Variants in SDCCAG8 observed in about 807,000 individuals in gnomAD.
SDCCAG8 encodes serologically defined colon cancer antigen 8.
A neutral mutation model predicts 101.8 loss-of-function variants in SDCCAG8; 74 were observed. The ratio of observed to expected loss-of-function variants is 0.73; its 90% CI spans 0.60 to 0.88. The LOEUF (loss-of-function observed/expected upper bound fraction) is 0.88, where lower values mean the gene tolerates loss of function less well. SDCCAG8 is among the 40% of genes least tolerant of loss of function. The pLI, the probability that SDCCAG8 is intolerant of heterozygous loss-of-function variation, is 0.00. For missense variants in SDCCAG8, 787 were observed against 822.6 expected (o/e 0.96, Z 0.53); for synonymous variants, 281 against 292.9 (o/e 0.96, Z 0.41).
At chr1:243,388,012 G>C (rs751778722) in intron 13 of SDCCAG8, among the ~76,000 whole-genome samples, 1 of 152,070 alleles carries the variant, frequency 6.6e-6, no homozygotes, top group African/African-American at 2.4e-5. Context: ...CACTGTGCCC[G>C]GCCTCTAGTA....
chr1:243,294,036 T>C (rs2070541663), intron 6 of SDCCAG8, among the ~76,000 whole-genome samples: 1 of 152,198 alleles, frequency 6.6e-6, no homozygotes, highest in Non-Finnish European at 1.5e-5. Flanking sequence ...TAGTTCTTTG[T>C]CCATGTTTGT....
At chr1:243,494,013 A>G (rs556139423) in intron 17 of SDCCAG8, among the ~76,000 whole-genome samples, 5 of 152,224 alleles carry the variant, frequency 3.3e-5, no homozygotes, top group African/African-American at 1.2e-4. Context: ...CACCTAATTT[A>G]CTGTGGTCCT....
intron 8 of SDCCAG8, among the ~76,000 whole-genome samples, chr1:243,310,386 G>A (rs977358752): frequency 6.6e-6 from 1 of 152,004 alleles, no homozygotes; most frequent in African/African-American, 2.4e-5. Context: ...GCGTTCATGA[G>A]GTACATATTA....
chr1:243,415,752 A>C lies in SDCCAG8; in HGVS notation c.1667A>C (p.Gln556Pro), dbSNP rs761699906. Residue 556 changes from glutamine to proline, a missense_variant, in exon 14 of 18, where the codon CAA becomes CCA. By Grantham distance (76) the Gln-to-Pro change is moderately conservative. Transcript: ENST00000366541. ...AGCTTTAGCAAGGAAGCAAAGGCCCAAGCCCTTCAGGCCCAGCAAAGAGAG... is the reference window on the plus strand; with the variant it reads ...AGCTTTAGCAAGGAAGCAAAGGCCCCAGCCCTTCAGGCCCAGCAAAGAGAG... ...QQSFSKEAKA[Q>P]ALQAQQREQE... 5 of 1,613,744 alleles carry C rather than the reference A, an allele frequency of 3.1e-6. No individual in the cohort carries two copies. The Admixed American group carries it at 8.3e-5, about 27-fold the overall frequency.
chr1:243,267,772 C>A, intron 1 of SDCCAG8: 2 of 807,620 alleles, frequency 2.5e-6, no homozygotes, highest in Non-Finnish European at 4.5e-6. Flanking sequence ...CCACTCAATA[C>A]TTCTGCCCCA....
chr1:243,348,325 C>T (rs2075864150), intron 12 of SDCCAG8, among the ~76,000 whole-genome samples: 2 of 151,344 alleles, frequency 1.3e-5, no homozygotes, highest in South Asian at 2.1e-4. Context: ...GCTGGGATTA[C>T]AGGCATGAGC....
intron 16 of SDCCAG8, among the ~76,000 whole-genome samples, chr1:243,480,967 T>G (rs1334692557): frequency 1.3e-5 from 2 of 151,554 alleles, no homozygotes; most frequent in Non-Finnish European, 1.5e-5. Flanking sequence ...GAGACTGAGC[T>G]GTGGGGATGG....
intron 13 of SDCCAG8, among the ~76,000 whole-genome samples, chr1:243,382,920 G>A (rs1015520683): frequency 6.6e-6 from 1 of 152,186 alleles, no homozygotes; most frequent in African/African-American, 2.4e-5. Context: ...GATCTGTTAA[G>A]CCAACTGAGG....
At chr1:243,398,051 C>A (rs141558580) in intron 13 of SDCCAG8, among the ~76,000 whole-genome samples, 1 of 152,042 alleles carries the variant, frequency 6.6e-6, no homozygotes, top group African/African-American at 2.4e-5. Context: ...AAGCTATCAC[C>A]GGGAAAAATG....
At position 243,314,633 on chromosome 1, in the gene SDCCAG8, T is replaced by G. The variant is rs2073071994; in HGVS notation, c.930-2122T>G. Reference sequence around the variant, plus strand: ...AGATAAAGTCTATTAAACGTAAGTTTCCCATAAGCAGCAAGTTTGTTAGAT... The same window carrying G: ...AGATAAAGTCTATTAAACGTAAGTTGCCCATAAGCAGCAAGTTTGTTAGAT... On this transcript the variant is annotated intron_variant, in intron 8 of 17. Transcript: ENST00000366541. 2.6e-5 allele frequency among the ~76,000 whole-genome samples: 4 copies of G among 152,228 alleles called. No individual in the cohort carries two copies. The South Asian group carries it at 8.3e-4, about 31-fold the overall frequency.
intron 12 of SDCCAG8, among the ~76,000 whole-genome samples, chr1:243,366,481 T>C (rs927261512): frequency 5.9e-5 from 9 of 152,110 alleles, no homozygotes; most frequent in African/African-American, 1.9e-4. Flanking sequence ...AACTTTAATG[T>C]TTAGACATAA....
At chr1:243,461,982 C>T (rs899404139) in intron 16 of SDCCAG8, among the ~76,000 whole-genome samples, 2 of 152,154 alleles carry the variant, frequency 1.3e-5, no homozygotes, top group Admixed American at 1.3e-4. Flanking sequence ...GATCAGAGCT[C>T]ATAAGAGGTA....
chr1:243,476,207 A>C (rs1489274878), intron 16 of SDCCAG8: 1 of 985,338 alleles, frequency 1.0e-6, no homozygotes. Flanking sequence ...CAACCAGCAG[A>C]TGGGGTTCTT....
At chr1:243,494,492 A>G (rs1236098903) in intron 17 of SDCCAG8, among the ~76,000 whole-genome samples, 1 of 152,226 alleles carries the variant, frequency 6.6e-6, no homozygotes, top group African/African-American at 2.4e-5. Flanking sequence ...TGTCTAACAT[A>G]AGCATCTCGC....
At chr1:243,319,068 G>A (rs1183454811) in intron 9 of SDCCAG8, among the ~76,000 whole-genome samples, 1 of 152,134 alleles carries the variant, frequency 6.6e-6, no homozygotes, top group African/African-American at 2.4e-5. Context: ...AGGGGAGCAA[G>A]CCTCACAAGG....
chr1:243,466,789 G>T lies in SDCCAG8; in HGVS notation c.1986-22225G>T, dbSNP rs566484370. On this transcript the variant is annotated intron_variant, in intron 16 of 17. Transcript: ENST00000366541. ...TAAGGAAGGTGCTCAAGTCCAGCAG[G>T]GAAAGTTCATTCTGCCCGTACTGTT... Among the ~76,000 whole-genome samples the T allele has an allele frequency of 1.1e-4, 17 of 152,340 alleles. No individual in the cohort carries two copies. The South Asian group carries it at 3.5e-3, about 32-fold the overall frequency.
chr1:243,259,568 C>G (rs918085037), intron 1 of SDCCAG8, among the ~76,000 whole-genome samples: 1 of 151,734 alleles, frequency 6.6e-6, no homozygotes, highest in Admixed American at 6.6e-5. Context: ...GCCTGTAATC[C>G]CAGCACTTTG....
At chr1:243,380,904 G>A (rs1330171762) in intron 13 of SDCCAG8, among the ~76,000 whole-genome samples, 1 of 152,004 alleles carries the variant, frequency 6.6e-6, no homozygotes, top group Non-Finnish European at 1.5e-5. Context: ...ATGTGATTTG[G>A]TTGTTGGGCT....
intron 15 of SDCCAG8, among the ~76,000 whole-genome samples, chr1:243,424,301 A>C (rs2081203615): frequency 2.6e-5 from 4 of 151,974 alleles, no homozygotes; most frequent in Admixed American, 2.6e-4. Flanking sequence ...CCTTCCACAC[A>C]CAACCTCCCC....
Sources: gnomAD v4.1 joint callset for allele counts (sites outside exome capture counted in the v4.1 genomes callset) on GRCh38, gnomAD v4.1.1 for gene constraint, MANE v1.5 for transcripts, NCBI Gene and HGNC (gene_info 2026-07-23, HGNC 2026-07-21) for gene names.